METAP1D: variants seen among roughly 807,000 people sequenced by gnomAD.
METAP1D encodes methionyl aminopeptidase type 1D, mitochondrial.
Under a neutral mutation model 40.5 loss-of-function variants are expected in METAP1D, and 31 were observed. That is an observed-to-expected ratio of 0.77 (90% CI 0.58 to 1.03). The LOEUF (loss-of-function observed/expected upper bound fraction) is 1.03. Among genes scored for constraint, METAP1D ranks in the 50% least tolerant of loss-of-function variants. The pLI, the probability that METAP1D is intolerant of heterozygous loss-of-function variation, is 0.00. For missense variants in METAP1D, 411 were observed against 420.7 expected (o/e 0.98, Z 0.20); for synonymous variants, 151 against 146.4 (o/e 1.03, Z -0.22).
chr2:172,043,028 TGTATATGTGTACACGTGTACAC>T, intron 1 of METAP1D, among the ~76,000 whole-genome samples: 1 of 78,106 alleles, frequency 1.3e-5, no homozygotes, highest in African/African-American at 3.2e-5. Flanking sequence ...CACATATATG[TGTATATGTGTACACGTGTACAC>T]ATATATGTGT....
chr2:172,078,256 T>C (rs1690599153), intron 7 of METAP1D, among the ~76,000 whole-genome samples: 1 of 152,226 alleles, frequency 6.6e-6, no homozygotes, highest in Admixed American at 6.5e-5. Context: ...GTTTTTCTTT[T>C]TCTACCCCCT....
At chr2:172,048,983 T>C (rs1008863706) in intron 1 of METAP1D, among the ~76,000 whole-genome samples, 1 of 152,184 alleles carries the variant, frequency 6.6e-6, no homozygotes, top group Non-Finnish European at 1.5e-5. Context: ...TTTAAATTTT[T>C]ATTTTATTTT....
At chr2:172,077,071 A>G (rs1483758900) in intron 6 of METAP1D, among the ~76,000 whole-genome samples, 2 of 152,246 alleles carry the variant, frequency 1.3e-5, no homozygotes, top group Non-Finnish European at 2.9e-5. Context: ...ACTTCTCCAC[A>G]TACATGTAAT....
At chr2:172,027,012 G>C (rs1689132853) in intron 1 of METAP1D, among the ~76,000 whole-genome samples, 1 of 152,192 alleles carries the variant, frequency 6.6e-6, no homozygotes. Context: ...GCAACATAAA[G>C]GGGTCTAGAA....
chr2:172,005,221 A>G (rs1295737842), intron 1 of METAP1D, among the ~76,000 whole-genome samples: 3 of 151,912 alleles, frequency 2.0e-5, no homozygotes, highest in Non-Finnish European at 4.4e-5. Context: ...ACATGGATGA[A>G]TACTTTAGAA....
intron 1 of METAP1D, among the ~76,000 whole-genome samples, chr2:172,022,952 C>T (rs894760992): frequency 1.3e-5 from 2 of 152,014 alleles, no homozygotes; most frequent in Non-Finnish European, 1.5e-5. Flanking sequence ...TTTGGGAGGC[C>T]GAGGCGGGCT....
At chr2:172,033,038 G>A (rs1258521104) in intron 1 of METAP1D, among the ~76,000 whole-genome samples, 3 of 151,854 alleles carry the variant, frequency 2.0e-5, no homozygotes, top group Admixed American at 6.6e-5. Flanking sequence ...CAGCCTGGGC[G>A]ACAGAGCAAG....
chr2:172,015,064 T>C (rs532711324), intron 1 of METAP1D, among the ~76,000 whole-genome samples: 1 of 152,352 alleles, frequency 6.6e-6, no homozygotes, highest in South Asian at 2.1e-4. Flanking sequence ...AATCTTTATC[T>C]TTTAAAAACA....
At chr2:172,010,119 T>C (rs1174665280) in intron 1 of METAP1D, among the ~76,000 whole-genome samples, 1 of 151,252 alleles carries the variant, frequency 6.6e-6, no homozygotes, top group African/African-American at 2.4e-5. Context: ...TGTAGAGAAT[T>C]GTGGAGGGGT....
At chr2:172,011,461 T>A (rs1420413921) in intron 1 of METAP1D, among the ~76,000 whole-genome samples, 1 of 152,066 alleles carries the variant, frequency 6.6e-6, no homozygotes, top group South Asian at 2.1e-4. Flanking sequence ...ATTTTTTGTA[T>A]TTTTAGTAGA....
chr2:172,030,242 A>T (rs1344929616), intron 1 of METAP1D, among the ~76,000 whole-genome samples: 3 of 151,620 alleles, frequency 2.0e-5, no homozygotes, highest in Admixed American at 1.3e-4. Context: ...GGCATGTGCC[A>T]CCATGCCTGG....
chr2:172,008,048 A>G (rs936525883), intron 1 of METAP1D, among the ~76,000 whole-genome samples: 1 of 102,218 alleles, frequency 9.8e-6, no homozygotes, highest in Non-Finnish European at 2.1e-5. Context: ...TTTGAAAATT[A>G]TTTGTTGAAG....
chr2:172,068,558 G>A (rs1018306465), intron 5 of METAP1D, among the ~76,000 whole-genome samples: 8 of 151,106 alleles, frequency 5.3e-5, no homozygotes, highest in African/African-American at 2.0e-4. Context: ...CTGTTGCCCA[G>A]GCTGGAGCAC....
At chr2:172,012,720 T>C (rs1038670192) in intron 1 of METAP1D, among the ~76,000 whole-genome samples, 1 of 152,188 alleles carries the variant, frequency 6.6e-6, no homozygotes, top group African/African-American at 2.4e-5. Flanking sequence ...ATGCCACCAG[T>C]TCCTTCAGGC....
intron 6 of METAP1D, among the ~76,000 whole-genome samples, chr2:172,075,267 G>C (rs992440120): frequency 1.3e-5 from 2 of 152,126 alleles, no homozygotes; most frequent in Admixed American, 6.5e-5. Flanking sequence ...CTGTCTTAAA[G>C]GATTTTTAGT....
At chr2:172,038,476 A>G (rs1231985929) in intron 1 of METAP1D, among the ~76,000 whole-genome samples, 5 of 152,244 alleles carry the variant, frequency 3.3e-5, no homozygotes, top group Non-Finnish European at 5.9e-5. Context: ...AGAGAAAAAC[A>G]TCTCAGTAAG....
chr2:172,020,727 T>C (rs1227796208), intron 1 of METAP1D, among the ~76,000 whole-genome samples: 1 of 152,086 alleles, frequency 6.6e-6, no homozygotes, highest in Non-Finnish European at 1.5e-5. Context: ...GTGGAGAAAA[T>C]AGAACATTTA....
chr2:172,074,546 C>A (rs1247809235), intron 6 of METAP1D, among the ~76,000 whole-genome samples: 1 of 151,994 alleles, frequency 6.6e-6, no homozygotes, highest in African/African-American at 2.4e-5. Flanking sequence ...AACAGAAAAC[C>A]TCAAATAAAA....
At chr2:172,045,924 T>A (rs777792574) in intron 1 of METAP1D, among the ~76,000 whole-genome samples, 86 of 139,570 alleles carry the variant, frequency 6.2e-4, no homozygotes, top group Non-Finnish European at 1.1e-3. Flanking sequence ...CTGTGTATTT[T>A]TATACATACG....
Sources: allele counts gnomAD v4.1 joint callset (sites outside exome capture counted in the v4.1 genomes callset), GRCh38; gene constraint gnomAD v4.1.1; transcripts MANE v1.5; gene names NCBI Gene and HGNC (gene_info 2026-07-23, HGNC 2026-07-21).